CDH18: variants seen among roughly 807,000 people sequenced by gnomAD.
The protein encoded by CDH18 is cadherin 18.
Under a neutral mutation model 67.9 loss-of-function variants are expected in CDH18, and 31 were observed. The ratio of observed to expected loss-of-function variants is 0.46; its 90% CI spans 0.34 to 0.62. CDH18 has a LOEUF of 0.62. Ranked by LOEUF, CDH18 falls within the 20% of genes least tolerant of loss-of-function variation. The pLI is 0.01. For synonymous variants in CDH18, 362 were observed against 347.2 expected (o/e 1.04, Z -0.48); for missense variants, 890 against 975.5 (o/e 0.91, Z 1.17).
intron 2 of CDH18, among the ~76,000 whole-genome samples, chr5:20,176,133 GAAGGACCAC>G (rs1737214666): frequency 1.3e-5 from 2 of 152,238 alleles, no homozygotes; most frequent in South Asian, 2.1e-4. Flanking sequence ...GAGGAACACA[GAAGGACCAC>G]TGCAAGACGC....
At chr5:19,709,685 A>T (rs896455252) in intron 5 of CDH18, among the ~76,000 whole-genome samples, 1 of 151,778 alleles carries the variant, frequency 6.6e-6, no homozygotes, top group African/African-American at 2.4e-5. Flanking sequence ...GAAAAGAAAG[A>T]AAAGAAAAGG....
intron 1 of CDH18, among the ~76,000 whole-genome samples, chr5:20,285,441 A>AATATAAT: frequency 6.8e-6 from 1 of 147,678 alleles, no homozygotes; most frequent in South Asian, 2.1e-4. Flanking sequence ...AATATAATAT[A>AATATAAT]ATAATAAGGC....
At chr5:19,756,922 C>T (rs1771682171) in intron 3 of CDH18, among the ~76,000 whole-genome samples, 1 of 152,140 alleles carries the variant, frequency 6.6e-6, no homozygotes, top group Admixed American at 6.5e-5. Context: ...TACAATATAG[C>T]GGATGCTGAT....
In CDH18 at chr5:19,615,007, C is replaced by T. The variant is rs534251084; in HGVS notation, c.644-2406G>A. Reference sequence around the variant, plus strand: ...CTAAAAATACAAAAAATTAGCTGGGCGTGGTGGCACGAGCCTGTAGTCCCA... The same window carrying T: ...CTAAAAATACAAAAAATTAGCTGGGTGTGGTGGCACGAGCCTGTAGTCCCA... On this transcript the variant is annotated intron_variant, in intron 5 of 12. Transcript: ENST00000382275. 3.9e-5 allele frequency among the ~76,000 whole-genome samples: 6 copies of T among 151,980 alleles called. No individual in the cohort carries two copies. In the East Asian group the frequency reaches 9.7e-4, roughly 25 times the overall value.
intron 2 of CDH18, among the ~76,000 whole-genome samples, chr5:19,890,654 G>A (rs1056667988): frequency 6.6e-5 from 10 of 151,198 alleles, no homozygotes; most frequent in Admixed American, 5.9e-4. Flanking sequence ...GAGTGCAGTG[G>A]CATAATCTTG....
intron 1 of CDH18, among the ~76,000 whole-genome samples, chr5:20,520,815 A>G (rs559804345): frequency 7.2e-5 from 11 of 152,304 alleles, no homozygotes; most frequent in African/African-American, 2.6e-4. Flanking sequence ...AGTTGGATGT[A>G]TAAATGAGAG....
chr5:19,558,964 C>A (rs1197990663), intron 8 of CDH18, among the ~76,000 whole-genome samples: 2 of 152,024 alleles, frequency 1.3e-5, no homozygotes, highest in African/African-American at 4.8e-5. Flanking sequence ...TCTTGGTTTT[C>A]TAGTTTACTA....
At chr5:19,712,722 TTA>T (rs1323497446) in intron 5 of CDH18, among the ~76,000 whole-genome samples, 1 of 150,122 alleles carries the variant, frequency 6.7e-6, no homozygotes, top group Non-Finnish European at 1.5e-5. Flanking sequence ...AATAGGAAAA[TTA>T]TATATGTGTA....
In CDH18 at chr5:19,907,375, G is replaced by A. The variant is rs58143969; in HGVS notation, c.-256-68133C>T. ...GCAAATGCATAATGAGATATGTTGG[G>A]GATGGGGCCCAAGTATAAACAGCAA... On this transcript the variant is annotated intron_variant, in intron 2 of 12. Transcript: ENST00000382275. 3.6e-3 allele frequency among the ~76,000 whole-genome samples: 547 copies of A among 151,910 alleles called. 1 individual carries two copies. The highest frequency in any genetic ancestry group is 0.012 in the African/African-American group (512 of 41,476).
At chr5:20,554,554 T>C (rs1269214870) in intron 1 of CDH18, among the ~76,000 whole-genome samples, 1 of 152,238 alleles carries the variant, frequency 6.6e-6, no homozygotes, top group African/African-American at 2.4e-5. Flanking sequence ...CCATATTTTA[T>C]ATCTCCATCA....
chr5:20,135,232 C>A (rs996946880), intron 2 of CDH18, among the ~76,000 whole-genome samples: 2 of 151,984 alleles, frequency 1.3e-5, no homozygotes, highest in African/African-American at 4.8e-5. Context: ...ACCATGAAAA[C>A]CTGTTGAAAT....
intron 1 of CDH18, among the ~76,000 whole-genome samples, chr5:20,453,626 TG>T (rs2150210841): frequency 6.7e-6 from 1 of 149,812 alleles, no homozygotes; most frequent in African/African-American, 2.5e-5. Context: ...TATATATATA[TG>T]TATATATGTA....
chr5:19,987,416 G>A (rs1324162285), intron 1 of CDH18, among the ~76,000 whole-genome samples: 1 of 152,058 alleles, frequency 6.6e-6, no homozygotes, highest in Admixed American at 6.6e-5. Flanking sequence ...AATAAAGTGT[G>A]TTGCTGATCA....
intron 2 of CDH18, among the ~76,000 whole-genome samples, chr5:20,039,090 C>T (rs1031933588): frequency 1.6e-4 from 9 of 56,660 alleles, no homozygotes; most frequent in Non-Finnish European, 5.7e-4. Flanking sequence ...AACTCCCATT[C>T]GCAATTGCTA....
At chr5:20,565,174 ATTAAG>A (rs1027160406) in intron 1 of CDH18, among the ~76,000 whole-genome samples, 1 of 152,272 alleles carries the variant, frequency 6.6e-6, no homozygotes, top group African/African-American at 2.4e-5. Flanking sequence ...ATCCCAGTTA[ATTAAG>A]TTGTTTCAGA....
At chr5:20,285,952 G>C (rs1331630028) in intron 1 of CDH18, among the ~76,000 whole-genome samples, 1 of 151,510 alleles carries the variant, frequency 6.6e-6, no homozygotes, top group Non-Finnish European at 1.5e-5. Context: ...TCTTTAGTTA[G>C]TTTCTGTGAT....
intron 2 of CDH18, among the ~76,000 whole-genome samples, chr5:20,072,019 G>A (rs1206678447): frequency 2.6e-5 from 4 of 151,972 alleles, no homozygotes; most frequent in African/African-American, 7.2e-5. Flanking sequence ...TACTAACATT[G>A]GGATTTTTAA....
chr5:20,013,999 T>C (rs1209386661), intron 2 of CDH18, among the ~76,000 whole-genome samples: 1 of 152,142 alleles, frequency 6.6e-6, no homozygotes, highest in African/African-American at 2.4e-5. Context: ...TGTACTATTT[T>C]AGAGAATTTA....
Position 20,122,904 on chromosome 5 carries a change from T to C in CDH18, c.-517-130890A>G, listed in dbSNP as rs537310624. ...ACCATAAGGTATTTAGTGGAAATTA[T>C]TGCATATACTAGTCTTTCATCATTA... On this transcript the variant is annotated intron_variant, in intron 2 of 14. Coordinates refer to the CDH18 transcript ENST00000507958. Among the ~76,000 whole-genome samples, 559 of 148,426 alleles carry C rather than the reference T, an allele frequency of 3.8e-3. 2 individuals carry two copies. Among genetic ancestry groups the C allele is most frequent in the Admixed American group, 7.1e-3 (106 of 14,826 alleles).
Sources: gnomAD v4.1 joint callset for allele counts (sites outside exome capture counted in the v4.1 genomes callset) on GRCh38, gnomAD v4.1.1 for gene constraint, MANE v1.5 for transcripts, NCBI Gene and HGNC (gene_info 2026-07-23, HGNC 2026-07-21) for gene names.